MDN1: variants seen among roughly 807,000 people sequenced by gnomAD.
MDN1 encodes midasin.
Under a neutral mutation model 669.2 loss-of-function variants are expected in MDN1, and 266 were observed. That is an observed-to-expected ratio of 0.40 (90% CI 0.36 to 0.44). The LOEUF is 0.44. Ranked by LOEUF, MDN1 falls within the 20% of genes least tolerant of loss-of-function variation. The pLI is 1.00. For synonymous variants in MDN1, 2,385 were observed against 2,457.1 expected, an observed-to-expected ratio of 0.97 and a Z score of 0.87; for missense variants, 5,940 against 6,754.0, an observed-to-expected ratio of 0.88 and a Z score of 4.22.
intron 37 of MDN1, 103 bp downstream of exon 37, chr6:89,727,730 G>A (rs1306444387): frequency 1.3e-5 from 20 of 1,570,344 alleles, no homozygotes; most frequent in African/African-American, 2.7e-5. Flanking sequence ...AGTCATCAGC[G>A]GGATCTTCCA....
chr6:89,812,027 C>T (rs1768451672), intron 1 of MDN1, among the ~76,000 whole-genome samples: 1 of 151,506 alleles, frequency 6.6e-6, no homozygotes, highest in Non-Finnish European at 1.5e-5. Context: ...CGCTCTATTG[C>T]CCTGGCTGGA....
intron 40 of MDN1, among the ~76,000 whole-genome samples, chr6:89,722,473 G>A (rs1051196374): frequency 3.9e-5 from 6 of 152,284 alleles, no homozygotes; most frequent in Admixed American, 3.3e-4. Flanking sequence ...GTCCTCTAAA[G>A]CAAGCTACTC....
At chr6:89,764,926 G>C (rs66495969) in intron 15 of MDN1, among the ~76,000 whole-genome samples, 22,187 of 152,128 alleles carry the variant, frequency 0.15, 1,890 homozygotes, top group Non-Finnish European at 0.19. Flanking sequence ...AGTGAGACCA[G>C]ACTGGGTTAC....
In MDN1 at chr6:89,656,757, A is replaced by G; in HGVS notation, c.15228T>C (p.His5076=). The change falls in exon 91 of 102, where the codon CAT becomes CAC. Residue 5076 remains histidine (H), a synonymous_variant. Transcript: ENST00000369393. ...CCAACTGGGCAATGAAATTCGATTC[A>G]TGGCCTTCTGCCTGGTTTGCATCTG... ...GAADANQAEG[H]ESNFIAQLAS... The G allele has an allele frequency of 1.2e-6, 2 of 1,613,714 alleles. No homozygotes were observed. Among genetic ancestry groups the G allele is most frequent in the South Asian group, 1.1e-5 (1 of 91,000 alleles).
chr6:89,751,360 A>T (rs762081635), intron 23 of MDN1, 71 bp downstream of exon 23: 2 of 1,571,414 alleles, frequency 1.3e-6, no homozygotes, highest in South Asian at 2.3e-5. Context: ...AAGTTAAGGA[A>T]GTTAGACCAA....
intron 46 of MDN1, 50 bp from the exon 47 acceptor site, chr6:89,713,346 C>T: frequency 6.7e-7 from 1 of 1,486,696 alleles, no homozygotes; most frequent in Non-Finnish European, 9.2e-7. Context: ...TTAAAATCTC[C>T]AATGAAAATG....
intron 43 of MDN1, 35 bp from the exon 44 acceptor site, chr6:89,716,844 C>T: frequency 6.6e-7 from 1 of 1,523,798 alleles, no homozygotes. Context: ...CCATCCACAG[C>T]ACTTAACTTC....
At chr6:89,749,402 G>A (rs775352648) in intron 25 of MDN1, 33 bp from the exon 26 acceptor site, 44 of 1,606,974 alleles carry the variant, frequency 2.7e-5, no homozygotes, top group Non-Finnish European at 3.7e-5. Context: ...GCAGTAAAAG[G>A]TGCCTTTTAA....
chr6:89,787,997 T>G (rs1328010679), intron 7 of MDN1, 40 bp from the exon 8 acceptor site: 2 of 1,498,064 alleles, frequency 1.3e-6, no homozygotes, highest in Non-Finnish European at 1.8e-6. Context: ...AAAGTAAAGC[T>G]ATTAAGACAG....
At chr6:89,655,083 A>G (rs1440342617) in intron 92 of MDN1, among the ~76,000 whole-genome samples, 2 of 152,186 alleles carry the variant, frequency 1.3e-5, no homozygotes, top group East Asian at 3.9e-4. Context: ...GCAAAAGCTC[A>G]ATACATGGTA....
chr6:89,747,655 G>A (rs1199481361), intron 26 of MDN1, among the ~76,000 whole-genome samples, 185 bp from the exon 27 acceptor site: 1 of 152,138 alleles, frequency 6.6e-6, no homozygotes, highest in Non-Finnish European at 1.5e-5. Flanking sequence ...ACTTTGGAAG[G>A]CCAAGGCGGG....
Position 89,803,456 on chromosome 6 carries a change from A to G in MDN1, c.201T>C (p.Pro67=). 1 of 1,614,134 alleles carries G rather than the reference A, an allele frequency of 6.2e-7. No homozygotes were observed. Among genetic ancestry groups the G allele is most frequent in the South Asian group, 1.1e-5 (1 of 91,088 alleles). The change falls in exon 2 of 102, where the codon CCT becomes CCC. Residue 67 remains proline (P), a synonymous_variant. Coordinates refer to ENST00000369393, the MANE Select transcript of MDN1 (RefSeq NM_014611.3). ...TCCTTTCCAGCAAATCCAAAAGGAG[A>G]GGGCGAAGCTGGCGACCAACCAGCA... ...CTVLVGRQLR[P]LLLDLLERNA... is the part of the protein sequence containing the mutation.
chr6:89,672,639 C>T lies in MDN1; in HGVS notation c.13538G>A (p.Arg4513Gln), dbSNP rs200508493. Reference protein sequence around the residue: ...DFSEQMEIAIRAILCAIQNLE... With the variant: ...DFSEQMEIAIQAILCAIQNLE... ...GTTCTGGATGGCACAGAGGATGGCTCGGATGGCAATTTCCATTTGCTCTGA... is the reference window on the plus strand; with the variant it reads ...GTTCTGGATGGCACAGAGGATGGCTTGGATGGCAATTTCCATTTGCTCTGA... The change falls in exon 81 of 102, where the codon CGA (arginine) becomes CAA (glutamine). Residue 4513 changes from arginine to glutamine, a missense_variant. Arg to Gln is a conservative substitution (Grantham distance 43). Transcript: ENST00000369393. The T allele has an allele frequency of 1.9e-5, 31 of 1,613,952 alleles. No individual in the cohort carries two copies. Among genetic ancestry groups the T allele is most frequent in the Non-Finnish European group, 2.5e-5 (29 of 1,180,020 alleles).
chr6:89,704,900 CAAG>C (rs2128310713), intron 53 of MDN1, among the ~76,000 whole-genome samples: 1 of 152,288 alleles, frequency 6.6e-6, no homozygotes. Context: ...AATTTTAACA[CAAG>C]AAGTTCACTG....
intron 77 of MDN1, 60 bp downstream of exon 77, chr6:89,676,042 G>C: frequency 6.7e-7 from 1 of 1,499,814 alleles, no homozygotes; most frequent in Non-Finnish European, 9.3e-7. Flanking sequence ...TACAGCCCTG[G>C]GATGAACAGA....
Position 89,677,593 on chromosome 6 carries a change from G to A in MDN1, c.12516C>T (p.Ser4172=). The stretch of plus-strand genomic sequence containing the variant: ...ACCTAGAATCAGCCTCCTGAGTGCT[G>A]CTGACGATGGACAATGCGCTCTGGA... ...LDLQSALSIV[S]STQEADSRLL... The change falls in exon 76 of 102, where the codon AGC becomes AGT. Residue 4172 remains serine, a synonymous_variant. Transcript: ENST00000369393. 3 of 1,614,152 alleles carry A rather than the reference G, an allele frequency of 1.9e-6. No individual in the cohort carries two copies. The highest frequency in any genetic ancestry group is 1.7e-5 in the Admixed American group (1 of 60,026).
chr6:89,794,591 G>T lies in MDN1; in HGVS notation c.540C>A (p.Asp180Glu). The change falls in exon 3 of 102, where the codon GAC becomes GAA. Residue 180 changes from aspartate (D) to glutamate (E), a missense_variant. Physicochemically the swap from Asp to Glu is conservative, Grantham distance 45. This residue lies in a region of MDN1 where 1,203 missense variants were observed against 1,268.9 expected (regional missense o/e 0.95). Transcript: ENST00000369393. ...CAGCTACGCACCAGCGAACCAAGGT[G>T]TCATGGCTTCTGAGGAGAGGGACAC... Reference protein sequence around the residue: ...SVCVPLLRSHDTLVRWYTANC... With the variant: ...SVCVPLLRSHETLVRWYTANC... 6.2e-7 allele frequency: 1 copy of T among 1,613,132 alleles called. No homozygotes were observed. The highest frequency in any genetic ancestry group is 8.5e-7 in the Non-Finnish European group (1 of 1,180,040).
intron 33 of MDN1, among the ~76,000 whole-genome samples, 172 bp from the exon 34 acceptor site, chr6:89,732,947 A>C (rs943780654): frequency 6.6e-6 from 1 of 152,206 alleles, no homozygotes; most frequent in African/African-American, 2.4e-5. Context: ...TGCAGCTTTG[A>C]TCAAATTCTG....
At chr6:89,675,619 C>A (rs777776823) in intron 77 of MDN1, 40 bp from the exon 78 acceptor site, 2 of 1,542,860 alleles carry the variant, frequency 1.3e-6, no homozygotes, top group African/African-American at 2.7e-5. Flanking sequence ...GGGCTGCTGA[C>A]AAACATCACC....
Sources: gnomAD v4.1 joint callset for allele counts (sites outside exome capture counted in the v4.1 genomes callset) on GRCh38, gnomAD v4.1.1 for gene constraint, gnomAD v4.1.1 regional missense constraint, MANE v1.5 for transcripts, NCBI Gene and HGNC (gene_info 2026-07-23, HGNC 2026-07-21) for gene names.